The following KIF26B variants were observed in gnomAD, a reference collection of about 807,000 sequenced individuals.
KIF26B encodes kinesin-like protein KIF26B.
KIF26B carries 63 observed loss-of-function variants against 151.2 expected under a neutral mutation model. That is an observed-to-expected ratio of 0.42 (90% CI 0.34 to 0.51). KIF26B has a LOEUF of 0.51. Among genes scored for constraint, KIF26B ranks in the 20% least tolerant of loss-of-function variants. KIF26B has a pLI of 0.07. For missense variants in KIF26B, 2,813 were observed against 2,913.6 expected (o/e 0.97, Z 0.79); for synonymous variants, 1,357 against 1,262.1 (o/e 1.08, Z -1.59).
At chr1:245,477,647 G>A (rs1660069341) in intron 4 of KIF26B, among the ~76,000 whole-genome samples, 1 of 151,768 alleles carries the variant, frequency 6.6e-6, no homozygotes, top group Non-Finnish European at 1.5e-5. Context: ...GGATATCTCT[G>A]AGGGAAAAGC....
chr1:245,430,112 A>G (rs1658743407), intron 4 of KIF26B, among the ~76,000 whole-genome samples: 1 of 152,312 alleles, frequency 6.6e-6, no homozygotes, highest in South Asian at 2.1e-4. Context: ...TAAAAGGGGA[A>G]ATGTTCTTTC....
chr1:245,363,227 C>T (rs1023338316), intron 2 of KIF26B, among the ~76,000 whole-genome samples: 8 of 152,198 alleles, frequency 5.3e-5, no homozygotes, highest in Admixed American at 1.3e-4. Context: ...GACGGAGTCT[C>T]GCTCTGTTGT....
chr1:245,335,181 A>G (rs1368452268), intron 2 of KIF26B, among the ~76,000 whole-genome samples: 1 of 152,148 alleles, frequency 6.6e-6, no homozygotes, highest in Non-Finnish European at 1.5e-5. Flanking sequence ...TTCTGTGCTA[A>G]AAATGAAGGC....
intron 3 of KIF26B, among the ~76,000 whole-genome samples, chr1:245,416,913 C>G (rs1674433599): frequency 6.6e-6 from 1 of 152,142 alleles, no homozygotes; most frequent in African/African-American, 2.4e-5. Flanking sequence ...TGGTGAGAGT[C>G]TATAGAGCAG....
At chr1:245,514,629 A>G (rs1287584551) in intron 4 of KIF26B, among the ~76,000 whole-genome samples, 1 of 152,190 alleles carries the variant, frequency 6.6e-6, no homozygotes, top group East Asian at 1.9e-4. Flanking sequence ...ATGACCTGTG[A>G]AAAATGCCTC....
intron 4 of KIF26B, among the ~76,000 whole-genome samples, chr1:245,510,591 TCTCTC>T (rs1660811719): frequency 2.7e-5 from 4 of 150,486 alleles, no homozygotes; most frequent in Non-Finnish European, 5.9e-5. Flanking sequence ...TCTCTCTCTC[TCTCTC>T]TCTCTCTCTC....
chr1:245,531,536 G>T (rs1330150903), intron 4 of KIF26B, among the ~76,000 whole-genome samples: 1 of 152,206 alleles, frequency 6.6e-6, no homozygotes, highest in Non-Finnish European at 1.5e-5. Context: ...AAAATCCAAG[G>T]TCTAAGCATT....
intron 4 of KIF26B, among the ~76,000 whole-genome samples, chr1:245,431,553 C>T (rs1558163078): frequency 6.6e-6 from 1 of 152,160 alleles, no homozygotes; most frequent in Admixed American, 6.5e-5. Flanking sequence ...ACTATGTTGG[C>T]CAGGCTGGTC....
intron 4 of KIF26B, among the ~76,000 whole-genome samples, chr1:245,501,797 G>A (rs141438705): frequency 2.5e-4 from 38 of 152,260 alleles, no homozygotes; most frequent in African/African-American, 8.7e-4. Context: ...GAGGACCGTT[G>A]GGCCTTTTGC....
At position 245,609,485 on chromosome 1, in the gene KIF26B, C is replaced by T; in HGVS notation, c.1871C>T (p.Ser624Phe). ...VATGSLQDGQ[S>F]PGVYLCEDPI... Reference sequence around the variant, plus strand: ...ACGGGCAGCCTGCAGGACGGCCAGTCCCCGGGCGTGTACCTCTGTGAGGAC... The same window carrying T: ...ACGGGCAGCCTGCAGGACGGCCAGTTCCCGGGCGTGTACCTCTGTGAGGAC... Residue 624 changes from serine (S) to phenylalanine (F), a missense_variant, in exon 8 of 15, where the codon TCC (serine) becomes TTC (phenylalanine). By Grantham distance (155) the Ser-to-Phe change is radical (BLOSUM62 -2). Transcript: ENST00000407071. 1 of 1,596,960 alleles carries T rather than the reference C, an allele frequency of 6.3e-7. No individual in the cohort carries two copies. Among genetic ancestry groups the T allele is most frequent in the South Asian group, 1.1e-5 (1 of 87,672 alleles).
At chr1:245,483,784 C>A (rs1660220352) in intron 4 of KIF26B, among the ~76,000 whole-genome samples, 1 of 151,798 alleles carries the variant, frequency 6.6e-6, no homozygotes, top group African/African-American at 2.4e-5. Flanking sequence ...GGCAGAGAAA[C>A]CTCCAAGCTC....
chr1:245,389,094 T>C (rs1673623970), intron 3 of KIF26B, among the ~76,000 whole-genome samples: 1 of 152,196 alleles, frequency 6.6e-6, no homozygotes, highest in Non-Finnish European at 1.5e-5. Context: ...GGGTTCACAC[T>C]GTGTCCACTC....
At chr1:245,169,923 C>T (rs577302224) in intron 2 of KIF26B, among the ~76,000 whole-genome samples, 96 of 152,254 alleles carry the variant, frequency 6.3e-4, no homozygotes, top group Middle Eastern at 3.4e-3. Flanking sequence ...TTTATTTATG[C>T]TGCTCTCTTG....
At chr1:245,234,912 G>A (rs532561625) in intron 2 of KIF26B, among the ~76,000 whole-genome samples, 9 of 152,254 alleles carry the variant, frequency 5.9e-5, no homozygotes, top group South Asian at 4.2e-4. Flanking sequence ...TTGGACACCC[G>A]GTGGCACACA....
intron 2 of KIF26B, among the ~76,000 whole-genome samples, chr1:245,254,462 G>C (rs1670499738): frequency 6.6e-6 from 1 of 152,064 alleles, no homozygotes; most frequent in African/African-American, 2.4e-5. Context: ...TTTCCTTTTT[G>C]CTAAAGGAAA....
rs997789586 is a variant in KIF26B at position 245,156,521 on chromosome 1, C to CGGCTCTCCGGGCTTCGGCACA, written c.309_329dup (p.Phe106_Gly112dup). On this transcript the variant is annotated inframe_insertion, in exon 2 of 15. Transcript: ENST00000407071. ...GCACTAGTTCGCCGGGCTCCTTGGG[C>CGGCTCTCCGGGCTTCGGCACA]GGCTCTCCGGGCTTCGGCACAGGCT... is the stretch of plus-strand genomic sequence containing the variant. 1 of 1,533,080 alleles carries CGGCTCTCCGGGCTTCGGCACA rather than the reference C, an allele frequency of 6.5e-7. No homozygotes were observed. The highest frequency in any genetic ancestry group is 1.9e-5 in the Admixed American group (1 of 52,204). The allele number at this position is 1,533,080 out of a possible 1,614,324, so 95.0% of individuals were successfully genotyped here.
intron 4 of KIF26B, among the ~76,000 whole-genome samples, chr1:245,510,826 G>A (rs974185209): frequency 3.3e-5 from 5 of 152,182 alleles, no homozygotes; most frequent in Admixed American, 6.5e-5. Context: ...GTTGGAGCAG[G>A]GGCTGAGCTG....
chr1:245,581,926 G>GAGGAAAGGAAGGAAGGAAGGAAGGAAGGA lies in KIF26B; in HGVS notation c.1351-20646_1351-20645insAGGAAGGAAGGAAGGAAGGAAGGAAGGAA, dbSNP rs59481342. On this transcript the variant is annotated intron_variant, in intron 5 of 14. Coordinates refer to ENST00000407071, the MANE Select transcript of KIF26B (RefSeq NM_018012.4). Reference sequence around the variant, plus strand: ...AGAGAGACCCTGTCAAAGAGAGAAAGAGGAAGGAAGGAAGGAAGGAAGGAA... The same window carrying GAGGAAAGGAAGGAAGGAAGGAAGGAAGGA: ...AGAGAGACCCTGTCAAAGAGAGAAAGAGGAAAGGAAGGAAGGAAGGAAGGAAGGAAGGAAGGAAGGAAGGAAGGAAGGAA... 5.3e-3 allele frequency among the ~76,000 whole-genome samples: 756 copies of GAGGAAAGGAAGGAAGGAAGGAAGGAAGGA among 142,378 alleles called. 11 individuals are homozygous for GAGGAAAGGAAGGAAGGAAGGAAGGAAGGA. Among genetic ancestry groups the GAGGAAAGGAAGGAAGGAAGGAAGGAAGGA allele is most frequent in the African/African-American group, 0.019 (699 of 36,292 alleles). The allele number at this position is 142,378 out of a possible 152,430, so 93.4% of individuals were successfully genotyped here. A position where few individuals can be genotyped will look rare whatever the true frequency, so the allele number is the denominator to read the frequency against.
intron 2 of KIF26B, among the ~76,000 whole-genome samples, chr1:245,165,877 C>T (rs1257154834): frequency 1.3e-5 from 2 of 152,112 alleles, no homozygotes; most frequent in African/African-American, 2.4e-5. Context: ...TTCTGGTGCC[C>T]TGGAGAAAGC....
Sources: gnomAD v4.1 joint callset for allele counts (sites outside exome capture counted in the v4.1 genomes callset) on GRCh38, gnomAD v4.1.1 for gene constraint, MANE v1.5 for transcripts, NCBI Gene and HGNC (gene_info 2026-07-23, HGNC 2026-07-21) for gene names.